The following TEX11 variants were observed in gnomAD, a reference collection of about 807,000 sequenced individuals.
TEX11 encodes the protein testis-expressed protein 11.
Under a neutral mutation model 84.4 loss-of-function variants are expected in TEX11, and 7 were observed. The ratio of observed to expected loss-of-function variants is 0.08; its 90% CI spans 0.05 to 0.16. TEX11 has a LOEUF of 0.16. Ranked by LOEUF, TEX11 falls within the 10% of genes least tolerant of loss-of-function variation. The probability of loss-of-function intolerance (pLI) is 1.00; values close to 1 mark genes in which losing one functional copy is unlikely to be tolerated. For synonymous variants in TEX11, 264 were observed against 222.8 expected (o/e 1.18, Z -1.64); for missense variants, 551 against 660.5 (o/e 0.83, Z 1.82).
At chrX:70,634,658 G>T (rs2089548661) in intron 17 of TEX11, among the ~76,000 whole-genome samples, 1 of 108,279 alleles carries the variant, frequency 9.2e-6, no homozygotes, top group East Asian at 2.9e-4. Flanking sequence ...CAATTCAACA[G>T]AGAAAGAATA....
chrX:70,726,965 C>T (rs1416559784), intron 11 of TEX11, among the ~76,000 whole-genome samples: 3 of 111,135 alleles, frequency 2.7e-5, no homozygotes, highest in African/African-American at 9.8e-5. Flanking sequence ...TCCCAATGTG[C>T]TGGGATTATA....
chrX:70,632,277 T>C lies in TEX11; in HGVS notation c.1484-2542A>G, dbSNP rs781340761. ...GTTCACCTTTAGAAATAAGAAGAAG[T>C]AGAGCAAATGGAACTCAAAGAAAGC... On this transcript the variant is annotated intron_variant, in intron 17 of 29. Coordinates refer to ENST00000374333, the MANE Select transcript of TEX11 (RefSeq NM_031276.3). Among the ~76,000 whole-genome samples the C allele has an allele frequency of 5.4e-5, 6 of 111,223 alleles. No individual in the cohort carries two copies. In the South Asian group the frequency reaches 2.3e-3, roughly 43 times the overall value.
intron 10 of TEX11, among the ~76,000 whole-genome samples, chrX:70,743,490 T>G (rs1602089782): frequency 8.9e-6 from 1 of 112,275 alleles, no homozygotes; most frequent in East Asian, 2.8e-4. Context: ...CACATTTTGC[T>G]TGATTACATA....
In TEX11 at chrX:70,685,365, C is replaced by CA. The variant is rs940357741; in HGVS notation, c.1005-2541dup. On this transcript the variant is annotated intron_variant, in intron 13 of 29. Transcript: ENST00000374333. Reference sequence around the variant, plus strand: ...TGGGTGTTGGAGTGAGACTCTGTCTCAAAAAAAAATGTGTTTGGACAACTG... The same window carrying CA: ...TGGGTGTTGGAGTGAGACTCTGTCTCAAAAAAAAAATGTGTTTGGACAACTG... 2.0e-4 allele frequency among the ~76,000 whole-genome samples: 22 copies of CA among 108,784 alleles called. No homozygotes were observed. The East Asian group carries it at 3.7e-3, about 19-fold the overall frequency. 94.5% of individuals were successfully genotyped at this position (108,784 alleles called of 115,157 possible).
At chrX:70,889,343 G>A (rs1192560240) in intron 2 of TEX11, among the ~76,000 whole-genome samples, 1 of 110,069 alleles carries the variant, frequency 9.1e-6, no homozygotes, top group Non-Finnish European at 1.9e-5. Context: ...CTTGAACCCA[G>A]GAGGCGGTGG....
At chrX:70,647,542 T>C (rs1327132807) in intron 17 of TEX11, among the ~76,000 whole-genome samples, 1 of 109,509 alleles carries the variant, frequency 9.1e-6, no homozygotes, top group African/African-American at 3.3e-5. Context: ...TGAGACTCCA[T>C]CTATACAAAA....
At position 70,529,946 on chromosome X, in the gene TEX11, G is replaced by A. The variant is rs201633202; in HGVS notation, c.2574C>T (p.Thr858=). The A allele has an allele frequency of 7.5e-5, 91 of 1,209,241 alleles. No homozygotes were observed. In the Middle Eastern group the frequency reaches 1.4e-3, roughly 18 times the overall value. Reference sequence around the variant, plus strand: ...TGCTCCTGCTAAACATAAGTACTCCGGTATTCCAGGACTTGACCATCAGCC... The same window carrying A: ...TGCTCCTGCTAAACATAAGTACTCCAGTATTCCAGGACTTGACCATCAGCC... ...ILWLMVKSWN[T]GVLMFSRSKY... The change falls in exon 29 of 30, where the codon ACC becomes ACT. Residue 858 remains threonine, a synonymous_variant. Coordinates refer to ENST00000374333, the MANE Select transcript of TEX11 (RefSeq NM_031276.3).
At chrX:70,624,225 T>C (rs1055203606) in intron 19 of TEX11, among the ~76,000 whole-genome samples, 1 of 112,153 alleles carries the variant, frequency 8.9e-6, no homozygotes, top group Non-Finnish European at 1.9e-5. Context: ...AGGAATTTAA[T>C]AAAAGAGTTT....
intron 28 of TEX11, among the ~76,000 whole-genome samples, chrX:70,534,126 C>T (rs1251641762): frequency 2.0e-5 from 2 of 101,429 alleles, no homozygotes; most frequent in Admixed American, 1.1e-4. Context: ...AGTAAAAGAT[C>T]ACCTTGGTTG....
chrX:70,780,260 C>G (rs1199832951), intron 9 of TEX11, among the ~76,000 whole-genome samples: 1 of 111,970 alleles, frequency 8.9e-6, no homozygotes, highest in African/African-American at 3.2e-5. Flanking sequence ...GGTGACAGAG[C>G]AAGACTCCAT....
intron 2 of TEX11, among the ~76,000 whole-genome samples, chrX:70,880,627 T>A (rs1312783599): frequency 9.0e-6 from 1 of 111,006 alleles, no homozygotes; most frequent in East Asian, 2.8e-4. Flanking sequence ...CCAGAAAATG[T>A]AGAAATTCTG....
intron 21 of TEX11, 144 bp downstream of exon 21, chrX:70,610,359 A>G: frequency 1.9e-6 from 1 of 521,473 alleles, no homozygotes; most frequent in Non-Finnish European, 3.1e-6. Context: ...AGAAACCAAA[A>G]TAGATTCCTG....
At chrX:70,683,013 A>T (rs898403509) in intron 13 of TEX11, among the ~76,000 whole-genome samples, 188 bp from the exon 14 acceptor site, 2 of 111,816 alleles carry the variant, frequency 1.8e-5, no homozygotes, top group Admixed American at 1.9e-4. Context: ...ATTTCAGTTT[A>T]TTAAGCCATA....
chrX:70,607,470 T>C (rs1448333974), intron 22 of TEX11, among the ~76,000 whole-genome samples: 3 of 110,378 alleles, frequency 2.7e-5, no homozygotes, highest in African/African-American at 6.6e-5. Context: ...ACTAGCCAGG[T>C]GTGGTGGCAC....
At chrX:70,605,333 A>C in intron 24 of TEX11, 68 bp downstream of exon 24, 1 of 703,216 alleles carries the variant, frequency 1.4e-6, no homozygotes, top group Non-Finnish European at 2.2e-6. Flanking sequence ...AAAGAACTGC[A>C]TCAGGGAAGG....
At chrX:70,785,253 T>C (rs1246124527) in intron 9 of TEX11, among the ~76,000 whole-genome samples, 1 of 112,038 alleles carries the variant, frequency 8.9e-6, no homozygotes, top group Non-Finnish European at 1.9e-5. Flanking sequence ...TAAATAGTGC[T>C]GGGAAAACTG....
intron 9 of TEX11, among the ~76,000 whole-genome samples, chrX:70,777,716 G>A (rs2091011189): frequency 9.0e-6 from 1 of 110,945 alleles, no homozygotes; most frequent in African/African-American, 3.3e-5. Flanking sequence ...TTACATAACT[G>A]TCATGGCAAC....
chrX:70,731,443 T>C (rs2090649738), intron 11 of TEX11, among the ~76,000 whole-genome samples: 1 of 110,062 alleles, frequency 9.1e-6, no homozygotes, highest in South Asian at 3.9e-4. Flanking sequence ...AAGAATCAAA[T>C]AGACGCAATA....
intron 2 of TEX11, among the ~76,000 whole-genome samples, chrX:70,901,501 T>TG (rs954105641): frequency 1.8e-5 from 2 of 111,364 alleles, no homozygotes; most frequent in African/African-American, 6.5e-5. Context: ...CCACGGATGG[T>TG]GGGGGGATGG....
Sources: allele counts gnomAD v4.1 joint callset (sites outside exome capture counted in the v4.1 genomes callset), GRCh38; gene constraint gnomAD v4.1.1; transcripts MANE v1.5; gene names NCBI Gene and HGNC (gene_info 2026-07-23, HGNC 2026-07-21).